The following OPCML variants were observed in gnomAD, a reference collection of about 807,000 sequenced individuals.
OPCML encodes the protein opioid-binding protein/cell adhesion molecule.
OPCML carries 13 observed loss-of-function variants against 37.8 expected under a neutral mutation model. The ratio of observed to expected loss-of-function variants is 0.34; its 90% CI spans 0.22 to 0.55. OPCML has a LOEUF of 0.55. Ranked by LOEUF, OPCML falls within the 20% of genes least tolerant of loss-of-function variation. The pLI, the probability that OPCML is intolerant of heterozygous loss-of-function variation, is 0.91. For missense variants in OPCML, 341 were observed against 435.6 expected, an observed-to-expected ratio of 0.78 and a Z score of 1.93; for synonymous variants, 176 against 168.8, an observed-to-expected ratio of 1.04 and a Z score of -0.33.
chr11:132,721,238 G>A (rs999608128), intron 2 of OPCML, among the ~76,000 whole-genome samples: 1 of 152,174 alleles, frequency 6.6e-6, no homozygotes, highest in African/African-American at 2.4e-5. Flanking sequence ...GTGAAGTGAC[G>A]CACACTGTCA....
intron 1 of OPCML, among the ~76,000 whole-genome samples, chr11:133,232,698 C>G (rs1331057766): frequency 1.3e-5 from 2 of 152,100 alleles, no homozygotes; most frequent in Non-Finnish European, 2.9e-5. Context: ...GATGGATTTA[C>G]TTATTTACTT....
At chr11:133,294,900 T>C (rs1450038982) in intron 1 of OPCML, among the ~76,000 whole-genome samples, 2 of 140,158 alleles carry the variant, frequency 1.4e-5, no homozygotes, top group Non-Finnish European at 3.0e-5. Context: ...CTCGGCCCAC[T>C]GCAACCTCCG....
At chr11:133,219,691 G>T (rs2136359064) in intron 1 of OPCML, among the ~76,000 whole-genome samples, 1 of 152,246 alleles carries the variant, frequency 6.6e-6, no homozygotes, top group Non-Finnish European at 1.5e-5. Flanking sequence ...GGGGACCCTT[G>T]ACAGAGGAGC....
At chr11:133,470,409 C>T (rs1179033417) in intron 1 of OPCML, among the ~76,000 whole-genome samples, 1 of 152,130 alleles carries the variant, frequency 6.6e-6, no homozygotes, top group African/African-American at 2.4e-5. Flanking sequence ...GGAGAAAGCC[C>T]CCAGAGAGAA....
chr11:133,228,079 G>A (rs541986813), intron 1 of OPCML, among the ~76,000 whole-genome samples: 2 of 152,300 alleles, frequency 1.3e-5, no homozygotes, highest in African/African-American at 4.8e-5. Context: ...TTGTCCTTGG[G>A]ATGGGAGATG....
intron 3 of OPCML, among the ~76,000 whole-genome samples, chr11:132,655,816 G>T (rs889617011): frequency 6.6e-6 from 1 of 150,840 alleles, no homozygotes; most frequent in African/African-American, 2.4e-5. Flanking sequence ...CAGCCCCCAC[G>T]CAACCTCTCT....
At position 132,657,291 on chromosome 11, in the gene OPCML, C is replaced by A. The variant is rs377736893; in HGVS notation, c.175G>T (p.Val59Leu). ...RCTIDDRVTR[V>L]AWLNRSTILY... ...ATGGTGCTGCGGTTTAGCCAGGCCACCCGGGTTACCCGGTCATCTATGGTA... is the reference window on the plus strand; with the variant it reads ...ATGGTGCTGCGGTTTAGCCAGGCCAACCGGGTTACCCGGTCATCTATGGTA... The change falls in exon 3 of 8, where the codon GTG becomes TTG. Residue 59 changes from valine (V) to leucine (L), a missense_variant. Coordinates refer to ENST00000524381, the MANE Select transcript of OPCML (RefSeq NM_001012393.5). 6.2e-7 allele frequency: 1 copy of A among 1,614,186 alleles called. No homozygotes were observed. The highest frequency in any genetic ancestry group is 8.5e-7 in the Non-Finnish European group (1 of 1,180,028).
At chr11:132,574,907 T>C (rs2096446823) in intron 3 of OPCML, among the ~76,000 whole-genome samples, 1 of 152,142 alleles carries the variant, frequency 6.6e-6, no homozygotes, top group East Asian at 1.9e-4. Context: ...CTCAGTTCTG[T>C]CAAGGTGTGC....
intron 1 of OPCML, among the ~76,000 whole-genome samples, chr11:133,266,586 A>G (rs527536000): frequency 6.6e-6 from 1 of 152,300 alleles, no homozygotes; most frequent in Admixed American, 6.5e-5. Flanking sequence ...GTAGTTACTC[A>G]TCGGGACTTA....
intron 1 of OPCML, among the ~76,000 whole-genome samples, chr11:133,328,437 C>T (rs2136641834): frequency 6.6e-6 from 1 of 152,308 alleles, no homozygotes; most frequent in South Asian, 2.1e-4. Flanking sequence ...GGATTACAGG[C>T]ATGAGCCACT....
chr11:133,387,051 GC>G (rs1373821840), intron 1 of OPCML, among the ~76,000 whole-genome samples: 2 of 152,182 alleles, frequency 1.3e-5, no homozygotes, highest in African/African-American at 4.8e-5. Flanking sequence ...CGGTATTTTG[GC>G]CCTCAGCCTG....
rs374030098 is a variant in OPCML, at chr11:132,936,822, C to T, written c.146+6104G>A. ...ATCAAGATGAAAAGAGTGCACCCCT[C>T]CCCCAAACCCATTTCATGCAAACTT... On this transcript the variant is annotated intron_variant, in intron 2 of 7. Coordinates refer to ENST00000524381, the MANE Select transcript of OPCML (RefSeq NM_001012393.5). 1.2e-4 allele frequency among the ~76,000 whole-genome samples: 19 copies of T among 152,212 alleles called. No individual in the cohort carries two copies. The East Asian group carries it at 1.4e-3, about 11-fold the overall frequency.
At chr11:133,197,358 C>A (rs1938577191) in intron 1 of OPCML, among the ~76,000 whole-genome samples, 1 of 152,122 alleles carries the variant, frequency 6.6e-6, no homozygotes, top group African/African-American at 2.4e-5. Context: ...GGTAAGAGAT[C>A]ATTAAACCTT....
chr11:132,944,983 T>C (rs1945714170), intron 1 of OPCML, among the ~76,000 whole-genome samples: 1 of 152,234 alleles, frequency 6.6e-6, no homozygotes, highest in Non-Finnish European at 1.5e-5. Flanking sequence ...TGCTGAAGGA[T>C]ACAAAGGCAT....
chr11:133,358,958 G>C (rs529924976), intron 1 of OPCML, among the ~76,000 whole-genome samples: 1 of 151,932 alleles, frequency 6.6e-6, no homozygotes, highest in African/African-American at 2.4e-5. Context: ...GTGTGTAGGT[G>C]GGGGGACCAG....
At chr11:132,910,620 G>A (rs1461926770) in intron 2 of OPCML, among the ~76,000 whole-genome samples, 1 of 152,146 alleles carries the variant, frequency 6.6e-6, no homozygotes, top group African/African-American at 2.4e-5. Flanking sequence ...CTCCCATTAC[G>A]TGAGTGACAG....
intron 4 of OPCML, among the ~76,000 whole-genome samples, chr11:132,504,285 A>G (rs1439740574): frequency 6.6e-6 from 1 of 152,232 alleles, no homozygotes; most frequent in African/African-American, 2.4e-5. Flanking sequence ...CTTTACCCTT[A>G]TGCAGATAAT....
chr11:133,405,340 G>A (rs1406330758), intron 1 of OPCML, among the ~76,000 whole-genome samples: 4 of 152,200 alleles, frequency 2.6e-5, no homozygotes, highest in Non-Finnish European at 4.4e-5. Context: ...GTGTCTTGCG[G>A]CCACAGATTT....
intron 1 of OPCML, among the ~76,000 whole-genome samples, chr11:133,244,384 A>T (rs1221597546): frequency 6.6e-6 from 1 of 152,080 alleles, no homozygotes; most frequent in Admixed American, 6.5e-5. Context: ...CCAAAATGTT[A>T]GCCATTAGTA....
Sources: gnomAD v4.1 joint callset for allele counts (sites outside exome capture counted in the v4.1 genomes callset) on GRCh38, gnomAD v4.1.1 for gene constraint, MANE v1.5 for transcripts, NCBI Gene and HGNC (gene_info 2026-07-23, HGNC 2026-07-21) for gene names.